Variants in PRKG1 observed in about 807,000 individuals in gnomAD.
PRKG1 encodes the protein protein kinase cGMP-dependent 1.
PRKG1 carries 35 observed loss-of-function variants against 88.1 expected under a neutral mutation model. That is an observed-to-expected ratio of 0.40 (90% CI 0.30 to 0.53). The LOEUF (loss-of-function observed/expected upper bound fraction) is 0.53. Among genes scored for constraint, PRKG1 ranks in the 20% least tolerant of loss-of-function variants. The probability of loss-of-function intolerance (pLI) is 0.59; values close to 1 mark genes in which losing one functional copy is unlikely to be tolerated. For missense variants in PRKG1, 540 were observed against 839.8 expected, an observed-to-expected ratio of 0.64 and a Z score of 4.41; for synonymous variants, 303 against 292.5, an observed-to-expected ratio of 1.04 and a Z score of -0.37.
chr10:51,288,222 A>G (rs1470320166), intron 2 of PRKG1, among the ~76,000 whole-genome samples: 1 of 152,156 alleles, frequency 6.6e-6, no homozygotes, highest in Non-Finnish European at 1.5e-5. Flanking sequence ...TACATGTGCC[A>G]TGCCGATGAG....
intron 4 of PRKG1, among the ~76,000 whole-genome samples, chr10:51,882,628 C>T (rs1432120884): frequency 6.6e-6 from 1 of 152,164 alleles, no homozygotes; most frequent in Non-Finnish European, 1.5e-5. Context: ...GCCCCTCTAT[C>T]CCTAGGATGA....
intron 3 of PRKG1, among the ~76,000 whole-genome samples, chr10:51,634,959 A>G (rs1184172516): frequency 6.6e-6 from 1 of 152,088 alleles, no homozygotes; most frequent in East Asian, 1.9e-4. Flanking sequence ...GGTGGGAGGA[A>G]GCTAAGGATT....
rs556295629 is a variant in PRKG1, at chr10:52,019,173, C to A, written c.763-35311C>A. On this transcript the variant is annotated intron_variant, in intron 5 of 17. Transcript: ENST00000373980. ...TAATGGAGTGGGAACTCAGTCACCC[C>A]ACGGAGGGAAGGCATTAATCTATTC... is the stretch of plus-strand genomic sequence containing the variant. 1.4e-4 allele frequency among the ~76,000 whole-genome samples: 21 copies of A among 152,164 alleles called. No homozygotes were observed. In the South Asian group the frequency reaches 3.5e-3, roughly 26 times the overall value.
chr10:52,252,848 A>G (rs938307244), intron 10 of PRKG1: 4 of 151,942 alleles, frequency 2.6e-5, no homozygotes, highest in African/African-American at 9.7e-5. Flanking sequence ...TGGGAGAAAA[A>G]AAAAAAAAAG....
chr10:51,744,967 G>T (rs1837539709), intron 3 of PRKG1, among the ~76,000 whole-genome samples: 1 of 152,152 alleles, frequency 6.6e-6, no homozygotes, highest in Non-Finnish European at 1.5e-5. Context: ...GTTGTTGAGG[G>T]AACAGTATGT....
At chr10:51,329,761 T>C (rs1262200161) in intron 2 of PRKG1, among the ~76,000 whole-genome samples, 1 of 152,104 alleles carries the variant, frequency 6.6e-6, no homozygotes, top group Non-Finnish European at 1.5e-5. Context: ...TTTAACAATT[T>C]AAGTATGCCA....
chr10:52,157,306 G>GAGATAT (rs1289803162), intron 8 of PRKG1, among the ~76,000 whole-genome samples: 10,752 of 125,300 alleles, frequency 0.086, 718 homozygotes, highest in Admixed American at 0.13. Context: ...TGAGTTAGTT[G>GAGATAT]ATATATATAT....
chr10:51,573,443 G>T (rs1730070440), intron 3 of PRKG1, among the ~76,000 whole-genome samples: 1 of 151,844 alleles, frequency 6.6e-6, no homozygotes, highest in African/African-American at 2.4e-5. Flanking sequence ...GGTTTACTTA[G>T]ATTCATTATA....
intron 10 of PRKG1, among the ~76,000 whole-genome samples, chr10:52,260,588 A>G (rs1841410265): frequency 6.6e-6 from 1 of 152,150 alleles, no homozygotes; most frequent in African/African-American, 2.4e-5. Context: ...TATGTGAGCT[A>G]TTCATGTGCT....
chr10:51,936,478 T>C (rs1842802315), intron 5 of PRKG1, among the ~76,000 whole-genome samples: 1 of 151,986 alleles, frequency 6.6e-6, no homozygotes, highest in Admixed American at 6.6e-5. Flanking sequence ...TGTCCTTAAA[T>C]TTTCGACAAG....
Position 51,273,377 on chromosome 10 carries a change from C to T in PRKG1, c.478+120047C>T, listed in dbSNP as rs79234739. ...AAAAAAAAAAAAAGGCAAAAATTAG[C>T]TTGTTGTGGTGGCATGCACCTGTAG... On this transcript the variant is annotated intron_variant, in intron 2 of 17. Coordinates refer to ENST00000373980, the MANE Select transcript of PRKG1 (RefSeq NM_006258.4). Among the ~76,000 whole-genome samples, 1,093 of 148,594 alleles carry T rather than the reference C, an allele frequency of 7.4e-3. 11 individuals carry two copies. Among genetic ancestry groups the T allele is most frequent in the African/African-American group, 0.025 (995 of 40,548 alleles).
At chr10:52,086,930 G>A (rs1846930253) in intron 7 of PRKG1, among the ~76,000 whole-genome samples, 1 of 152,142 alleles carries the variant, frequency 6.6e-6, no homozygotes, top group African/African-American at 2.4e-5. Flanking sequence ...GCAAGGAGAA[G>A]TGCCGAGTAA....
At chr10:51,117,894 T>G (rs932543887) in intron 1 of PRKG1, among the ~76,000 whole-genome samples, 3 of 152,224 alleles carry the variant, frequency 2.0e-5, no homozygotes, top group Non-Finnish European at 4.4e-5. Context: ...AACATCTGCT[T>G]CTTTCTAGGG....
intron 3 of PRKG1, among the ~76,000 whole-genome samples, chr10:51,506,515 A>G (rs867047907): frequency 2.5e-4 from 38 of 152,244 alleles, no homozygotes; most frequent in Non-Finnish European, 2.8e-4. Context: ...ACTTCTCAAA[A>G]GAAGACATTT....
intron 3 of PRKG1, among the ~76,000 whole-genome samples, chr10:51,521,313 C>T (rs1158442020): frequency 6.6e-6 from 1 of 151,970 alleles, no homozygotes; most frequent in Non-Finnish European, 1.5e-5. Flanking sequence ...ACTACAGTGC[C>T]TAGAATATTG....
At chr10:51,891,763 A>G (rs188213438) in intron 4 of PRKG1, among the ~76,000 whole-genome samples, 48 of 152,328 alleles carry the variant, frequency 3.2e-4, no homozygotes, top group Non-Finnish European at 6.0e-4. Flanking sequence ...AGACATAGAT[A>G]ATACACCAGC....
intron 1 of PRKG1, among the ~76,000 whole-genome samples, chr10:51,096,957 T>C (rs1331470177): frequency 6.6e-6 from 1 of 152,166 alleles, no homozygotes; most frequent in African/African-American, 2.4e-5. Flanking sequence ...GAATTATCTG[T>C]CCTAAAATGT....
intron 1 of PRKG1, among the ~76,000 whole-genome samples, chr10:51,091,897 G>C (rs1844406488): frequency 6.6e-6 from 1 of 152,182 alleles, no homozygotes; most frequent in Admixed American, 6.6e-5. Context: ...ATTTGCCTGA[G>C]ATCACCTGTT....
At chr10:52,062,108 AAAC>A (rs1377862440) in intron 6 of PRKG1, among the ~76,000 whole-genome samples, 12 of 152,178 alleles carry the variant, frequency 7.9e-5, no homozygotes, top group Admixed American at 7.9e-4. Flanking sequence ...TAAATAATTA[AAAC>A]AATATTAAGA....
Sources: allele counts gnomAD v4.1 joint callset (sites outside exome capture counted in the v4.1 genomes callset), GRCh38; gene constraint gnomAD v4.1.1; transcripts MANE v1.5; gene names NCBI Gene and HGNC (gene_info 2026-07-23, HGNC 2026-07-21).